Variants in RYK observed in about 807,000 individuals in gnomAD.
The protein encoded by RYK is inactive tyrosine-protein kinase RYK.
A neutral mutation model predicts 70.2 loss-of-function variants in RYK; 21 were observed. That is an observed-to-expected ratio of 0.30 (90% CI 0.21 to 0.43). The LOEUF (loss-of-function observed/expected upper bound fraction) is 0.43. RYK is among the 20% of genes least tolerant of loss of function. RYK has a pLI of 1.00. For missense variants in RYK, 604 were observed against 753.3 expected, an observed-to-expected ratio of 0.80 and a Z score of 2.32; for synonymous variants, 267 against 278.0, an observed-to-expected ratio of 0.96 and a Z score of 0.39.
At chr3:134,197,241 T>C (rs1294804205) in intron 6 of RYK, among the ~76,000 whole-genome samples, 2 of 152,178 alleles carry the variant, frequency 1.3e-5, no homozygotes, top group Non-Finnish European at 2.9e-5. Context: ...AGAATTGATC[T>C]ATATGAGTTT....
chr3:134,186,185 T>C (rs1425802007), intron 9 of RYK, among the ~76,000 whole-genome samples: 1 of 152,234 alleles, frequency 6.6e-6, no homozygotes, highest in Non-Finnish European at 1.5e-5. Context: ...GATTCATTTA[T>C]TTTATGGAAT....
chr3:134,222,520 A>G lies in RYK; in HGVS notation c.252T>C (p.Tyr84=). ...RRLIGLDAEL[Y]YVRNDLISHY... is the part of the protein sequence containing the mutation. ...GACTAATAAGGTCATTTCTCACATA[A>G]TAAAGTTCTGCATCAAGACCTAGAA... The change falls in exon 2 of 15, where the codon TAT becomes TAC. Residue 84 remains tyrosine, a synonymous_variant. Transcript: ENST00000623711. 6.2e-7 allele frequency: 1 copy of G among 1,611,356 alleles called. No individual in the cohort carries two copies. Among genetic ancestry groups the G allele is most frequent in the Non-Finnish European group, 8.5e-7 (1 of 1,178,096 alleles).
intron 5 of RYK, 103 bp from the exon 6 acceptor site, chr3:134,202,977 C>G (rs970850682): frequency 1.1e-6 from 1 of 886,150 alleles, no homozygotes; most frequent in Non-Finnish European, 1.7e-6. Flanking sequence ...TGTGCCCATT[C>G]TTTGTAAGAT....
At chr3:134,209,379 A>G (rs2014321279) in intron 4 of RYK, among the ~76,000 whole-genome samples, 1 of 152,224 alleles carries the variant, frequency 6.6e-6, no homozygotes, top group Admixed American at 6.5e-5. Flanking sequence ...AACACAGTTA[A>G]CATAGTTACT....
chr3:134,232,928 A>T, intron 1 of RYK, among the ~76,000 whole-genome samples: 1 of 152,246 alleles, frequency 6.6e-6, no homozygotes, highest in East Asian at 1.9e-4. Context: ...AGCTGCTGCC[A>T]AGCAGGAGTC....
At chr3:134,229,164 T>C (rs375527333) in intron 1 of RYK, among the ~76,000 whole-genome samples, 31 of 152,044 alleles carry the variant, frequency 2.0e-4, no homozygotes, top group African/African-American at 7.2e-4. Flanking sequence ...AAAGAAAACG[T>C]AGGATAGAAG....
At chr3:134,246,549 CAG>C (rs2015473978) in intron 1 of RYK, among the ~76,000 whole-genome samples, 1 of 151,544 alleles carries the variant, frequency 6.6e-6, no homozygotes, top group Non-Finnish European at 1.5e-5. Flanking sequence ...TTCAAAAAAA[CAG>C]AAAAAAAGAG....
intron 6 of RYK, among the ~76,000 whole-genome samples, chr3:134,196,338 C>T (rs1384227334): frequency 6.6e-6 from 1 of 152,138 alleles, no homozygotes; most frequent in Non-Finnish European, 1.5e-5. Flanking sequence ...CTCTTAGCTA[C>T]AGGATCAGCA....
chr3:134,187,366 C>A (rs1333591976), intron 9 of RYK, among the ~76,000 whole-genome samples: 3 of 152,118 alleles, frequency 2.0e-5, no homozygotes, highest in African/African-American at 7.2e-5. Flanking sequence ...AATTTTATCA[C>A]TTTCTACTCA....
At chr3:134,172,331 C>T (rs1264284726) in intron 13 of RYK, among the ~76,000 whole-genome samples, 1 of 152,204 alleles carries the variant, frequency 6.6e-6, no homozygotes, top group African/African-American at 2.4e-5. Context: ...TCACACTGCT[C>T]TAATTCAACT....
intron 10 of RYK, chr3:134,179,505 A>C (rs1041773858): frequency 1.3e-5 from 2 of 152,234 alleles, no homozygotes; most frequent in Non-Finnish European, 2.9e-5. Context: ...GTTCCACTTT[A>C]TATGCAAGGA....
At chr3:134,243,723 G>A (rs1460747812) in intron 1 of RYK, among the ~76,000 whole-genome samples, 1 of 152,138 alleles carries the variant, frequency 6.6e-6, no homozygotes, top group Non-Finnish European at 1.5e-5. Flanking sequence ...CCTTCAAGAT[G>A]AGGCTCAAAT....
chr3:134,177,437 T>C (rs2013144171), intron 11 of RYK, among the ~76,000 whole-genome samples: 1 of 152,230 alleles, frequency 6.6e-6, no homozygotes, highest in Non-Finnish European at 1.5e-5. Context: ...GCTTGGTATC[T>C]GACCTTTGCT....
intron 6 of RYK, among the ~76,000 whole-genome samples, chr3:134,196,110 T>G (rs969408384): frequency 3.3e-5 from 5 of 152,206 alleles, no homozygotes; most frequent in Admixed American, 1.3e-4. Flanking sequence ...AAGAAGATGA[T>G]AGGTTCAAAT....
intron 10 of RYK, chr3:134,178,323 T>C: frequency 2.9e-6 from 1 of 345,562 alleles, no homozygotes; most frequent in Non-Finnish European, 5.1e-6. Flanking sequence ...TTGCTTCCTG[T>C]GGGCTGGATT....
intron 7 of RYK, among the ~76,000 whole-genome samples, chr3:134,192,391 G>T (rs781127853): frequency 5.3e-5 from 8 of 150,362 alleles, no homozygotes; most frequent in South Asian, 2.1e-4. Context: ...TGTTTGAAAA[G>T]ATTTTTTTCA....
intron 2 of RYK, among the ~76,000 whole-genome samples, chr3:134,212,438 A>G (rs996592830): frequency 6.6e-6 from 1 of 152,218 alleles, no homozygotes; most frequent in Non-Finnish European, 1.5e-5. Flanking sequence ...TGCCCTGCCC[A>G]CAGGTTCTTG....
chr3:134,174,907 A>T (rs1044071369), intron 13 of RYK, among the ~76,000 whole-genome samples: 3 of 152,190 alleles, frequency 2.0e-5, no homozygotes, highest in Admixed American at 1.3e-4. Context: ...AAAAGAAAAC[A>T]TCTTTATGAT....
Position 134,209,765 on chromosome 3 carries a change from G to A in RYK, c.519C>T (p.Leu173=). 6.6e-7 allele frequency: 1 copy of A among 1,511,130 alleles called. No homozygotes were observed. The highest frequency in any genetic ancestry group is 8.9e-7 in the Non-Finnish European group (1 of 1,128,808). 93.6% of individuals were successfully genotyped at this position (1,511,130 alleles called of 1,614,324 possible). ...TTTTTGAAGAATTTACTGTCAAGTT[G>A]AGCTGCATTAGTATCATAACTTCAG... ...VDSEVMILMQ[L]NLTVNSSKNF... The change falls in exon 4 of 15, where the codon CTC becomes CTT. Residue 173 remains leucine (L), a synonymous_variant. Transcript: ENST00000623711.
Sources: allele counts gnomAD v4.1 joint callset (sites outside exome capture counted in the v4.1 genomes callset), GRCh38; gene constraint gnomAD v4.1.1; transcripts MANE v1.5; gene names NCBI Gene and HGNC (gene_info 2026-07-23, HGNC 2026-07-21).